Variants in ATP6AP1 observed in about 807,000 individuals in gnomAD.
ATP6AP1 encodes ATPase H+ transporting accessory protein 1, also known as V-type proton ATPase subunit S1.
Under a neutral mutation model 32.0 loss-of-function variants are expected in ATP6AP1, and 1 was observed. The observed-to-expected ratio is 0.03, with a 90% confidence interval of 0.01 to 0.15. The LOEUF is 0.15. ATP6AP1 is among the 10% of genes least tolerant of loss of function. ATP6AP1 has a pLI of 1.00. For missense variants in ATP6AP1, 297 were observed against 398.8 expected (o/e 0.74, Z 2.17); for synonymous variants, 187 against 174.9 (o/e 1.07, Z -0.55).
intron 6 of ATP6AP1, 64 bp from the exon 7 acceptor site, chrX:154,434,144 A>G: frequency 2.7e-6 from 3 of 1,092,205 alleles, no homozygotes; most frequent in South Asian, 1.9e-5. Flanking sequence ...GGGCACGACA[A>G]TTGGGTTCAA....
At chrX:154,434,084 T>C (rs1163490367) in intron 6 of ATP6AP1, 124 bp from the exon 7 acceptor site, 1 of 690,880 alleles carries the variant, frequency 1.4e-6, no homozygotes, top group Non-Finnish European at 2.3e-6. Flanking sequence ...CTCCTCTGGC[T>C]GATGGGACTT....
chrX:154,435,905 G>T lies in ATP6AP1; in HGVS notation c.*14G>T, dbSNP rs1389241640. ...CAGATTGTGTGACCCTGTGCCAGTG[G>T]GGGGGTTGAGGGTGGGACGGTGTCC... is the stretch of plus-strand genomic sequence containing the variant. On this transcript the variant is annotated 3_prime_UTR_variant, in exon 10 of 10. Coordinates refer to ENST00000369762, the MANE Select transcript of ATP6AP1 (RefSeq NM_001183.6). 4 of 1,196,783 alleles carry T rather than the reference G, an allele frequency of 3.3e-6. No homozygotes were observed. In the South Asian group the frequency reaches 7.1e-5, roughly 21 times the overall value.
In ATP6AP1 at chrX:154,429,122, A is replaced by T. The variant is rs1394559005; in HGVS notation, c.236A>T (p.Asp79Val). 1 of 1,209,641 alleles carries T rather than the reference A, an allele frequency of 8.3e-7. No homozygotes were observed. Among genetic ancestry groups the T allele is most frequent in the Non-Finnish European group, 1.1e-6 (1 of 895,052 alleles). Reference protein sequence around the residue: ...TSDLQLSTYLDPALELGPRNV... With the variant: ...TSDLQLSTYLVPALELGPRNV... ...GACTTGCAGCTCTCTACCTACTTAGATCCCGCCCTGGAGCTGGGTCCCAGG... is the reference window on the plus strand; with the variant it reads ...GACTTGCAGCTCTCTACCTACTTAGTTCCCGCCCTGGAGCTGGGTCCCAGG... Residue 79 changes from aspartate (D) to valine (V), a missense_variant, in exon 2 of 10, where the codon GAT (aspartate) becomes GTT (valine). Transcript: ENST00000369762.
chrX:154,432,911 G>T lies in ATP6AP1; in HGVS notation c.558-20G>T, dbSNP rs782776260. The stretch of plus-strand genomic sequence containing the variant: ...GTCCAGGCCGCCTGAGGACTCTGGC[G>T]CTCTGTTTGTCTTCCATAGCTCTGG... On this transcript the variant is annotated intron_variant, in intron 4 of 9. Transcript: ENST00000369762. 5 of 1,209,350 alleles carry T rather than the reference G, an allele frequency of 4.1e-6. No individual in the cohort carries two copies. The African/African-American group carries it at 5.3e-5, about 13-fold the overall frequency.
chrX:154,433,805 C>G (rs782244743), intron 6 of ATP6AP1, 85 bp downstream of exon 6: 2 of 998,594 alleles, frequency 2.0e-6, no homozygotes, highest in Non-Finnish European at 2.8e-6. Context: ...GTGTATGCCA[C>G]AGGTAGGCTG....
intron 6 of ATP6AP1, 128 bp from the exon 7 acceptor site, chrX:154,434,080 T>C: frequency 1.5e-6 from 1 of 676,115 alleles, no homozygotes; most frequent in Non-Finnish European, 2.3e-6. Flanking sequence ...AGGTCTCCTC[T>C]GGCTGATGGG....
At chrX:154,432,814 G>C (rs1023843931) in intron 4 of ATP6AP1, 117 bp from the exon 5 acceptor site, 19 of 882,606 alleles carry the variant, frequency 2.2e-5, no homozygotes, top group Middle Eastern at 3.0e-4. Context: ...TGAGGTAAGA[G>C]TGTGCAGGCT....
At chrX:154,431,967 G>C (rs2068695806) in intron 3 of ATP6AP1, 63 bp downstream of exon 3, 3 of 1,120,554 alleles carry the variant, frequency 2.7e-6, no homozygotes, top group African/African-American at 1.8e-5. Flanking sequence ...CCCAGCATAA[G>C]AACTGTACTC....
rs1199684757 is a variant in ATP6AP1 at position 154,434,306 on chromosome X, T to C, written c.783T>C (p.Asn261=). 8.3e-7 allele frequency: 1 copy of C among 1,209,947 alleles called. No individual in the cohort carries two copies. The part of the protein sequence containing the change: ...SPVIHPPVSY[N]DTAPRILFWA... ...TGATCCATCCTCCTGTGAGTTACAA[T>C]GACACCGCTCCCCGGATCCTGTTCT... is the stretch of plus-strand genomic sequence containing the variant. Residue 261 remains asparagine, a synonymous_variant, in exon 7 of 10, where the codon AAT becomes AAC. Transcript: ENST00000369762.
At chrX:154,435,563 A>G (rs2068714962) in intron 9 of ATP6AP1, 58 bp downstream of exon 9, 1 of 1,185,812 alleles carries the variant, frequency 8.4e-7, no homozygotes, top group African/African-American at 1.7e-5. Context: ...TGGTTGAGAG[A>G]CGAAGAGAGG....
At position 154,435,841 on chromosome X, in the gene ATP6AP1, C is replaced by T. The variant is rs2068716712; in HGVS notation, c.1363C>T (p.Arg455Cys). The T allele has an allele frequency of 3.3e-6, 4 of 1,210,252 alleles. No homozygotes were observed. The African/African-American group carries it at 5.2e-5, about 16-fold the overall frequency. ...GATCCTCAGCCTCAAGACCATGGAT[C>T]GCTTTGATGACCACAAGGGCCCCAC... Reference protein sequence around the residue: ...HMILSLKTMDRFDDHKGPTIS... With the variant: ...HMILSLKTMDCFDDHKGPTIS... The change falls in exon 10 of 10, where the codon CGC becomes TGC. Residue 455 changes from arginine to cysteine, a missense_variant. By Grantham distance (180) the Arg-to-Cys change is radical. Around this residue, in one of 2 missense-constraint regions of ATP6AP1, gnomAD observed 155 missense variants for 253.8 expected, o/e 0.61. Coordinates refer to ENST00000369762, the MANE Select transcript of ATP6AP1 (RefSeq NM_001183.6).
chrX:154,428,996 C>T, intron 1 of ATP6AP1, 52 bp from the exon 2 acceptor site: 23 of 1,195,294 alleles, frequency 1.9e-5, no homozygotes, highest in Non-Finnish European at 2.6e-5. Flanking sequence ...GGCGACAGAG[C>T]TCCAGTCCAC....
chrX:154,430,651 G>A (rs2068688646), intron 2 of ATP6AP1: 1 of 112,077 alleles, frequency 8.9e-6, no homozygotes, highest in Admixed American at 9.5e-5. Flanking sequence ...TATGATGTCA[G>A]TGTTACGGCC....
intron 2 of ATP6AP1, chrX:154,431,397 G>C (rs1254166362): frequency 2.2e-5 from 3 of 138,945 alleles, no homozygotes; most frequent in Non-Finnish European, 4.2e-5. Flanking sequence ...CCAAAAGCAG[G>C]TGGGGGGAGG....
At chrX:154,428,943 G>A (rs781988957) in intron 1 of ATP6AP1, 90 bp downstream of exon 1, 99 of 1,143,805 alleles carry the variant, frequency 8.7e-5, no homozygotes, top group Non-Finnish European at 1.1e-4. Flanking sequence ...GTGAGGCCCG[G>A]AGGTGGACTG....
intron 2 of ATP6AP1, chrX:154,430,017 G>A (rs2068685222): frequency 8.9e-6 from 1 of 112,346 alleles, no homozygotes; most frequent in Admixed American, 9.4e-5. Context: ...ACCAGCCATT[G>A]GAGGCATGAA....
Position 154,434,778 on chromosome X carries a change from T to C in ATP6AP1, c.923+332T>C, listed in dbSNP as rs73638279. ...GTGTGGGCAAATACCAGGCCAGCTATCTGAGCCATTTATGGGGCAACCATG... is the reference window on the plus strand; with the variant it reads ...GTGTGGGCAAATACCAGGCCAGCTACCTGAGCCATTTATGGGGCAACCATG... On this transcript the variant is annotated intron_variant, in intron 7 of 9. Coordinates refer to ENST00000369762, the MANE Select transcript of ATP6AP1 (RefSeq NM_001183.6). 0.1 allele frequency among the ~76,000 whole-genome samples: 11,373 copies of C among 111,481 alleles called. 1,476 individuals carry two copies. The highest frequency in any genetic ancestry group is 0.35 in the African/African-American group (10,785 of 30,397).
chrX:154,430,273 G>A (rs1557196564), intron 2 of ATP6AP1: 3 of 110,779 alleles, frequency 2.7e-5, no homozygotes, highest in African/African-American at 9.9e-5. Flanking sequence ...ACTACACCCA[G>A]CTAATTTTTG....
intron 5 of ATP6AP1, among the ~76,000 whole-genome samples, chrX:154,433,263 T>C: frequency 8.9e-6 from 1 of 112,368 alleles, no homozygotes; most frequent in East Asian, 2.8e-4. Context: ...ATGGGTTTAA[T>C]AAGACTGCAG....
Sources: gnomAD v4.1 joint callset for allele counts (sites outside exome capture counted in the v4.1 genomes callset) on GRCh38, gnomAD v4.1.1 for gene constraint, gnomAD v4.1.1 regional missense constraint, MANE v1.5 for transcripts, NCBI Gene and HGNC (gene_info 2026-07-23, HGNC 2026-07-21) for gene names.